The following COBLL1 variants were observed in gnomAD, a reference collection of about 807,000 sequenced individuals.
The protein encoded by COBLL1 is cordon-bleu WH2 repeat protein like 1.
COBLL1 carries 50 observed loss-of-function variants against 94.8 expected under a neutral mutation model. The observed-to-expected ratio is 0.53, with a 90% CI of 0.42 to 0.67. COBLL1 has a LOEUF of 0.67. Ranked by LOEUF, COBLL1 falls within the 30% of genes least tolerant of loss-of-function variation. The pLI is 0.00. For synonymous variants in COBLL1, 448 were observed against 473.8 expected (o/e 0.95, Z 0.71); for missense variants, 1,362 against 1,348.7 (o/e 1.01, Z -0.15).
At chr2:164,714,995 A>T (rs1685091002) in intron 7 of COBLL1, among the ~76,000 whole-genome samples, 1 of 152,208 alleles carries the variant, frequency 6.6e-6, no homozygotes. Context: ...CATAATTCAT[A>T]GTTCTTTTAG....
intron 12 of COBLL1, 128 bp downstream of exon 12, chr2:164,694,141 A>G (rs1159867347): frequency 4.4e-6 from 4 of 908,754 alleles, no homozygotes; most frequent in Non-Finnish European, 6.8e-6. Context: ...TCTCTTCACT[A>G]CAATAGCTTA....
At chr2:164,751,383 AT>A (rs150123523) in intron 2 of COBLL1, among the ~76,000 whole-genome samples, 32 of 151,172 alleles carry the variant, frequency 2.1e-4, no homozygotes, top group Admixed American at 3.3e-4. Context: ...CTCTATGAGC[AT>A]TTTTTTTTAT....
intron 1 of COBLL1, among the ~76,000 whole-genome samples, chr2:164,673,697 A>C (rs1348339283): frequency 1.3e-5 from 2 of 152,252 alleles, no homozygotes; most frequent in East Asian, 3.9e-4. Flanking sequence ...TAAATAAATA[A>C]ATAAACTCAG....
intron 1 of COBLL1, among the ~76,000 whole-genome samples, chr2:164,669,544 G>C (rs1691214343): frequency 6.6e-6 from 1 of 152,172 alleles, no homozygotes; most frequent in East Asian, 1.9e-4. Context: ...CAAGAACACT[G>C]CTTGCTGCCC....
At chr2:164,725,986 G>A (rs1054349958) in intron 5 of COBLL1, among the ~76,000 whole-genome samples, 8 of 152,188 alleles carry the variant, frequency 5.3e-5, no homozygotes, top group Non-Finnish European at 2.9e-5. Context: ...GGTAGTGACA[G>A]CATTTGGATT....
chr2:164,717,096 A>T (rs1222435182), intron 7 of COBLL1, among the ~76,000 whole-genome samples: 1 of 152,180 alleles, frequency 6.6e-6, no homozygotes, highest in African/African-American at 2.4e-5. Context: ...AGCATTTTCT[A>T]CTTCTCATGC....
chr2:164,687,770 G>A, intron 13 of COBLL1: 1 of 516,198 alleles, frequency 1.9e-6, no homozygotes, highest in Non-Finnish European at 3.5e-6. Flanking sequence ...ACACTTAATT[G>A]ACTGCAGAGG....
At position 164,727,987 on chromosome 2, in the gene COBLL1, C is replaced by T; in HGVS notation, c.643G>A (p.Ala215Thr). The stretch of plus-strand genomic sequence containing the variant: ...TACTTACCTCTGTTGACATCCATCG[C>T]ATATAATTCTCTTAGTCCCAGGTCA... ...LNDLGLRELY[A>T]MDVNRESCQI... The change falls in exon 5 of 14, where the codon GCG becomes ACG. Residue 215 changes from alanine to threonine, a missense_variant. Ala to Thr is a moderately conservative substitution (Grantham distance 58). Transcript: ENST00000652658. 6.2e-7 allele frequency: 1 copy of T among 1,607,242 alleles called. No homozygotes were observed. Among genetic ancestry groups the T allele is most frequent in the Non-Finnish European group, 8.5e-7 (1 of 1,173,850 alleles).
At chr2:164,768,940 A>G (rs1688067802) in intron 2 of COBLL1, among the ~76,000 whole-genome samples, 1 of 152,170 alleles carries the variant, frequency 6.6e-6, no homozygotes, top group African/African-American at 2.4e-5. Context: ...GGCTTATTGT[A>G]AATGTTCACA....
At chr2:164,806,802 C>A (rs954117534) in intron 2 of COBLL1, among the ~76,000 whole-genome samples, 1 of 152,116 alleles carries the variant, frequency 6.6e-6, no homozygotes, top group African/African-American at 2.4e-5. Context: ...CGAGTTCAAG[C>A]CATCCTCCCA....
intron 2 of COBLL1, among the ~76,000 whole-genome samples, chr2:164,779,136 C>G (rs1296050506): frequency 6.6e-6 from 1 of 151,896 alleles, no homozygotes; most frequent in Non-Finnish European, 1.5e-5. Context: ...TTTTCCCTAT[C>G]CAAATTGTTT....
chr2:164,687,796 T>A (rs1683381466), intron 13 of COBLL1: 1 of 452,280 alleles, frequency 2.2e-6, no homozygotes, highest in South Asian at 3.1e-5. Context: ...ACTTCCATTG[T>A]GGAACCTTGG....
Position 164,741,681 on chromosome 2 carries a change from G to C in COBLL1, c.230+2006C>G, listed in dbSNP as rs539018179. Among the ~76,000 whole-genome samples the C allele has an allele frequency of 6.3e-4, 96 of 152,228 alleles. 1 individual carries two copies. The highest frequency in any genetic ancestry group is 2.2e-3 in the African/African-American group (93 of 41,532). ...ACAGTTGGTGGCCCAGAAACATAAA[G>C]CTGACTGATGGAAAGTTACTCAGAT... On this transcript the variant is annotated intron_variant, in intron 3 of 13. Transcript: ENST00000652658.
At position 164,828,720 on chromosome 2, in the gene COBLL1, C is replaced by T. The variant is rs187395782; in HGVS notation, c.41+12436G>A. Among the ~76,000 whole-genome samples the T allele has an allele frequency of 2.2e-4, 33 of 152,230 alleles. 1 individual carries two copies. The East Asian group carries it at 4.2e-3, about 20-fold the overall frequency. On this transcript the variant is annotated intron_variant, in intron 2 of 13. Coordinates refer to ENST00000652658, the MANE Select transcript of COBLL1 (RefSeq NM_001365672.2). ...CGTGACTAAGAAACTGACATTTTAA[C>T]GGAATTAATTTACATTTCAAATCTG...
rs80038264 is a variant in COBLL1, at chr2:164,734,596, A to G, written c.231-4481T>C. On this transcript the variant is annotated intron_variant, in intron 3 of 13. Coordinates refer to ENST00000652658, the MANE Select transcript of COBLL1 (RefSeq NM_001365672.2). ...AGGAGCAGCTACAAGGTTATTGCGA[A>G]AATTTAGGTGGGAGATGGTGGTGTC... 3.3e-5 allele frequency among the ~76,000 whole-genome samples: 5 copies of G among 152,262 alleles called. No individual in the cohort carries two copies. The East Asian group carries it at 9.7e-4, about 29-fold the overall frequency.
At chr2:164,804,423 A>G (rs1003935709) in intron 2 of COBLL1, among the ~76,000 whole-genome samples, 5 of 152,208 alleles carry the variant, frequency 3.3e-5, no homozygotes, top group African/African-American at 1.2e-4. Context: ...AACAAAGTCT[A>G]TAATATGAAA....
At chr2:164,724,583 AT>A (rs953189643) in intron 5 of COBLL1, 3 of 152,318 alleles carry the variant, frequency 2.0e-5, no homozygotes, top group East Asian at 3.9e-4. Context: ...AACTAAAAAA[AT>A]ATTTCTTCTA....
intron 7 of COBLL1, among the ~76,000 whole-genome samples, chr2:164,706,916 G>T (rs80165581): frequency 6.6e-6 from 1 of 152,078 alleles, no homozygotes; most frequent in Non-Finnish European, 1.5e-5. Context: ...CCCACTAATA[G>T]TTCCCTTTAT....
chr2:164,836,867 C>A (rs898641797), intron 2 of COBLL1, among the ~76,000 whole-genome samples: 3 of 152,138 alleles, frequency 2.0e-5, no homozygotes, highest in African/African-American at 7.2e-5. Context: ...ATCCCCTGGT[C>A]CCAGACCAAG....
Sources: gnomAD v4.1 joint callset for allele counts (sites outside exome capture counted in the v4.1 genomes callset) on GRCh38, gnomAD v4.1.1 for gene constraint, MANE v1.5 for transcripts, NCBI Gene and HGNC (gene_info 2026-07-23, HGNC 2026-07-21) for gene names.